The following RBFOX3 variants were observed in gnomAD, a reference collection of about 807,000 sequenced individuals.
RBFOX3 encodes the protein RNA binding protein fox-1 homolog 3.
Under a neutral mutation model 48.7 loss-of-function variants are expected in RBFOX3, and 17 were observed. The ratio of observed to expected loss-of-function variants is 0.35; its 90% CI spans 0.24 to 0.52. RBFOX3 has a LOEUF of 0.52. RBFOX3 is among the 20% of genes least tolerant of loss of function. The pLI is 0.94. For missense variants in RBFOX3, 382 were observed against 497.5 expected (o/e 0.77, Z 2.21); for synonymous variants, 212 against 209.5 (o/e 1.01, Z -0.10).
chr17:79,100,736 C>G (rs111636537), intron 9 of RBFOX3, among the ~76,000 whole-genome samples: 1 of 152,214 alleles, frequency 6.6e-6, no homozygotes, highest in African/African-American at 2.4e-5. Flanking sequence ...AGGCCCCCAA[C>G]GTACGCCTGC....
rs1002674756 is a variant in RBFOX3, at chr17:79,111,589, C to A, written c.222+3905G>T. Among the ~76,000 whole-genome samples the A allele has an allele frequency of 6.6e-6, 1 of 152,214 alleles. No individual in the cohort carries two copies. Among genetic ancestry groups the A allele is most frequent in the African/African-American group, 2.4e-5 (1 of 41,446 alleles). On this transcript the variant is annotated intron_variant, in intron 5 of 14. Transcript: ENST00000693108. The surrounding 1 kb of genome is among the most constrained non-coding windows in gnomAD (Gnocchi z 4.2). ...CAGCTGGGATTACAGGCACGAGCCA[C>A]CATGCCCGATTAATTTTTGTATTTT...
intron 4 of RBFOX3, among the ~76,000 whole-genome samples, chr17:79,211,696 C>T (rs1052586263): frequency 6.6e-6 from 1 of 152,200 alleles, no homozygotes; most frequent in African/African-American, 2.4e-5. Flanking sequence ...TCCGGCAGGG[C>T]TGTACCCCGG....
At chr17:79,147,499 C>T (rs73999848) in intron 4 of RBFOX3, among the ~76,000 whole-genome samples, 4,113 of 152,306 alleles carry the variant, frequency 0.027, 88 homozygotes, top group African/African-American at 0.058. Context: ...CTGGGGAGTT[C>T]CCTGCTGCCC....
intron 2 of RBFOX3, among the ~76,000 whole-genome samples, chr17:79,454,627 C>G (rs2074165230): frequency 6.6e-6 from 1 of 152,216 alleles, no homozygotes. Context: ...CGGCCCTGTG[C>G]ATTACCACAC....
At chr17:79,281,787 G>GT (rs946482460) in intron 3 of RBFOX3, among the ~76,000 whole-genome samples, 5 of 152,194 alleles carry the variant, frequency 3.3e-5, no homozygotes, top group Non-Finnish European at 7.3e-5. Flanking sequence ...TAGCCTTGAG[G>GT]TTTTTTCTTC....
intron 5 of RBFOX3, among the ~76,000 whole-genome samples, chr17:79,112,582 C>A (rs189995964): frequency 5.3e-5 from 8 of 152,124 alleles, no homozygotes; most frequent in Non-Finnish European, 1.2e-4. Flanking sequence ...CTCCCATCGA[C>A]GCCATCAGCC....
intron 1 of RBFOX3, among the ~76,000 whole-genome samples, chr17:79,521,020 T>C (rs1039790849): frequency 0.063 from 9,640 of 152,298 alleles, 655 homozygotes; most frequent in African/African-American, 0.17. Context: ...TGAAGCCAGC[T>C]TGGCTCTGCT....
At chr17:79,329,693 C>T (rs569503336) in intron 2 of RBFOX3, among the ~76,000 whole-genome samples, 29 of 152,260 alleles carry the variant, frequency 1.9e-4, no homozygotes, top group Non-Finnish European at 3.4e-4. Context: ...AATGGCCAGC[C>T]CCGGTGCATC....
chr17:79,638,465 T>C, the RBFOX3 span, among the ~76,000 whole-genome samples: 1 of 152,090 alleles, frequency 6.6e-6, no homozygotes, highest in African/African-American at 2.4e-5. Context: ...TATAATTATA[T>C]GCCAACAAAT....
At chr17:79,134,137 C>A (rs913138050) in intron 4 of RBFOX3, among the ~76,000 whole-genome samples, 1 of 152,200 alleles carries the variant, frequency 6.6e-6, no homozygotes, top group Admixed American at 6.5e-5. Context: ...TGGGACGTTC[C>A]CCTGTCCCTC....
chr17:79,273,850 G>A (rs892314598), intron 3 of RBFOX3, among the ~76,000 whole-genome samples: 1 of 152,316 alleles, frequency 6.6e-6, no homozygotes, highest in South Asian at 2.1e-4. Flanking sequence ...TATTTGCAGG[G>A]GGGAAGGAGG....
intron 3 of RBFOX3, among the ~76,000 whole-genome samples, chr17:79,248,320 A>G (rs8082073): frequency 0.97 from 147,622 of 151,788 alleles, 71,921 homozygotes; most frequent in Middle Eastern, 1. Context: ...TGCAACCTCC[A>G]CTCCCGGGTT....
At chr17:79,136,785 T>C (rs969357481) in intron 4 of RBFOX3, among the ~76,000 whole-genome samples, 3 of 152,176 alleles carry the variant, frequency 2.0e-5, no homozygotes, top group African/African-American at 4.8e-5. Flanking sequence ...CCAGCTCTCA[T>C]CTGAGCCTGC....
intron 4 of RBFOX3, among the ~76,000 whole-genome samples, chr17:79,142,930 C>T (rs71368045): frequency 0.23 from 35,455 of 151,996 alleles, 4,614 homozygotes; most frequent in Non-Finnish European, 0.31. Flanking sequence ...ATGCACGTGG[C>T]CCTGCCTGGC....
At chr17:79,128,542 C>T (rs989432737) in intron 4 of RBFOX3, among the ~76,000 whole-genome samples, 1 of 152,194 alleles carries the variant, frequency 6.6e-6, no homozygotes, top group Non-Finnish European at 1.5e-5. Context: ...CAGAAACAGG[C>T]CACCTCTACA....
At chr17:79,354,260 T>A (rs8075992) in intron 2 of RBFOX3, among the ~76,000 whole-genome samples, 4,456 of 152,234 alleles carry the variant, frequency 0.029, 245 homozygotes, top group African/African-American at 0.1. Context: ...GGCCCACCAT[T>A]CTAGTGTCAT....
intron 2 of RBFOX3, among the ~76,000 whole-genome samples, chr17:79,415,876 C>T (rs2148661633): frequency 6.6e-6 from 1 of 152,268 alleles, no homozygotes; most frequent in African/African-American, 2.4e-5. Flanking sequence ...TCTGAGCATG[C>T]CGCAGACCCC....
chr17:79,380,927 G>A lies in RBFOX3; in HGVS notation c.-174-73103C>T, dbSNP rs28542537. 8.6e-3 allele frequency among the ~76,000 whole-genome samples: 1,309 copies of A among 152,272 alleles called. 16 individuals carry two copies. The highest frequency in any genetic ancestry group is 0.03 in the African/African-American group (1,247 of 41,536). On this transcript the variant is annotated intron_variant, in intron 2 of 14. Coordinates refer to ENST00000693108, the MANE Select transcript of RBFOX3 (RefSeq NM_001350451.2). ...CTCTGTCCCGTGGAAATGCAAGGGA[G>A]CCACACATATAATTTTATATTTCCC...
intron 2 of RBFOX3, among the ~76,000 whole-genome samples, chr17:79,441,051 G>A (rs1555734563): frequency 6.6e-6 from 1 of 152,250 alleles, no homozygotes; most frequent in East Asian, 1.9e-4. Context: ...GGGGGTGCAG[G>A]GAGAGGATGC....
Sources: gnomAD v4.1 joint callset for allele counts (sites outside exome capture counted in the v4.1 genomes callset) on GRCh38, gnomAD v4.1.1 for gene constraint, Gnocchi (gnomAD v3.1) non-coding constraint, MANE v1.5 for transcripts, NCBI Gene and HGNC (gene_info 2026-07-23, HGNC 2026-07-21) for gene names.